Variants in FRMPD4 observed in about 807,000 individuals in gnomAD.
The protein encoded by FRMPD4 is FERM and PDZ domain containing 4.
A neutral mutation model predicts 94.1 loss-of-function variants in FRMPD4; 22 were observed. The ratio of observed to expected loss-of-function variants is 0.23; its 90% CI spans 0.17 to 0.33. FRMPD4 has a LOEUF of 0.33. FRMPD4 is among the 10% of genes least tolerant of loss of function. The pLI, the probability that FRMPD4 is intolerant of heterozygous loss-of-function variation, is 1.00. For missense variants in FRMPD4, 1,111 were observed against 1,339.9 expected, an observed-to-expected ratio of 0.83 and a Z score of 2.67; for synonymous variants, 631 against 548.6, an observed-to-expected ratio of 1.15 and a Z score of -2.10.
chrX:11,899,766 C>T (rs1447275995), intron 3 of FRMPD4, among the ~76,000 whole-genome samples: 2 of 112,061 alleles, frequency 1.8e-5, no homozygotes, highest in Admixed American at 1.9e-4. Flanking sequence ...ATACTTTCTT[C>T]AATCATTTTC....
intron 2 of FRMPD4, among the ~76,000 whole-genome samples, chrX:12,594,531 G>T (rs2059012076): frequency 3.6e-5 from 4 of 110,571 alleles, no homozygotes; most frequent in Admixed American, 2.9e-4. Flanking sequence ...CGCCTCCCGG[G>T]TTCACACCGT....
At chrX:12,636,338 G>A (rs1032155463) in intron 4 of FRMPD4, among the ~76,000 whole-genome samples, 11 of 111,116 alleles carry the variant, frequency 9.9e-5, no homozygotes, top group African/African-American at 3.3e-4. Flanking sequence ...TCCACAGCCT[G>A]GATTTTGCTG....
intron 3 of FRMPD4, among the ~76,000 whole-genome samples, chrX:11,909,377 T>C (rs2147335363): frequency 8.9e-6 from 1 of 112,208 alleles, no homozygotes; most frequent in East Asian, 2.8e-4. Context: ...GTTTAATGTT[T>C]GTAGGATGTA....
chrX:12,444,587 T>G (rs2057174481), intron 1 of FRMPD4, among the ~76,000 whole-genome samples: 1 of 112,064 alleles, frequency 8.9e-6, no homozygotes, highest in African/African-American at 3.2e-5. Flanking sequence ...AATACCAGAA[T>G]TGCCTAGAAT....
chrX:11,908,752 T>C (rs2053981527), intron 3 of FRMPD4, among the ~76,000 whole-genome samples: 1 of 112,129 alleles, frequency 8.9e-6, no homozygotes, highest in East Asian at 2.8e-4. Context: ...CAATTTGTTG[T>C]CAGCCTTTCA....
intron 3 of FRMPD4, among the ~76,000 whole-genome samples, chrX:12,043,430 CT>C (rs1408335478): frequency 1.8e-5 from 2 of 111,157 alleles, no homozygotes; most frequent in Non-Finnish European, 3.8e-5. Flanking sequence ...TGAAAAAAAA[CT>C]ATCTCAGGTG....
chrX:11,983,587 G>C (rs2054408898), intron 3 of FRMPD4, among the ~76,000 whole-genome samples: 1 of 111,314 alleles, frequency 9.0e-6, no homozygotes, highest in Non-Finnish European at 1.9e-5. Context: ...TCATCAGAAG[G>C]ATTGTTCAAT....
chrX:12,335,695 T>G (rs2055508591), intron 1 of FRMPD4, among the ~76,000 whole-genome samples: 1 of 111,557 alleles, frequency 9.0e-6, no homozygotes, highest in African/African-American at 3.3e-5. Flanking sequence ...ACTAGTTACC[T>G]GCTCCTGCAG....
intron 4 of FRMPD4, among the ~76,000 whole-genome samples, chrX:12,663,015 T>G (rs1252426568): frequency 1.8e-5 from 2 of 112,707 alleles, no homozygotes; most frequent in African/African-American, 6.5e-5. Flanking sequence ...GAGAAGTTTC[T>G]GTTCATATCC....
chrX:11,898,049 C>T (rs2053913843), intron 3 of FRMPD4, among the ~76,000 whole-genome samples: 1 of 111,228 alleles, frequency 9.0e-6, no homozygotes, highest in African/African-American at 3.3e-5. Context: ...AAAGAACAAC[C>T]AGTGAGAAGG....
At chrX:12,550,705 A>G (rs917250414) in intron 2 of FRMPD4, among the ~76,000 whole-genome samples, 2 of 110,909 alleles carry the variant, frequency 1.8e-5, no homozygotes, top group African/African-American at 6.5e-5. Context: ...CTTGGGTACA[A>G]AAGATTGATT....
chrX:12,253,119 A>G (rs1331838942), intron 1 of FRMPD4, among the ~76,000 whole-genome samples: 2 of 112,113 alleles, frequency 1.8e-5, no homozygotes, highest in Non-Finnish European at 3.8e-5. Flanking sequence ...GCAGAAGTGC[A>G]GAAATGTTTT....
chrX:12,714,199 A>C (rs7890017), intron 14 of FRMPD4, among the ~76,000 whole-genome samples: 1 of 111,924 alleles, frequency 8.9e-6, no homozygotes, highest in Non-Finnish European at 1.9e-5. Flanking sequence ...TTTAAACAAC[A>C]TAAGTTTATC....
chrX:12,018,412 T>C (rs1012962051), intron 3 of FRMPD4, among the ~76,000 whole-genome samples: 1 of 109,553 alleles, frequency 9.1e-6, no homozygotes, highest in African/African-American at 3.3e-5. Context: ...TTTTTTTTTG[T>C]TTTTTTGTTT....
intron 2 of FRMPD4, among the ~76,000 whole-genome samples, chrX:12,509,051 G>A (rs2058016635): frequency 9.6e-6 from 1 of 104,181 alleles, no homozygotes; most frequent in African/African-American, 3.5e-5. Flanking sequence ...CCTTACTCCT[G>A]CAAGAATGGC....
At chrX:12,091,451 A>C (rs1293292463) in intron 3 of FRMPD4, among the ~76,000 whole-genome samples, 1 of 112,508 alleles carries the variant, frequency 8.9e-6, no homozygotes, top group Non-Finnish European at 1.9e-5. Context: ...GAGCATGTCT[A>C]TGTTTTGATA....
chrX:12,122,557 C>T (rs2055464132), intron 3 of FRMPD4, among the ~76,000 whole-genome samples: 1 of 110,759 alleles, frequency 9.0e-6, no homozygotes, highest in Non-Finnish European at 1.9e-5. Context: ...ATGTAGTTCA[C>T]CTGCCCAAAA....
At chrX:12,648,967 A>G (rs766805657) in intron 4 of FRMPD4, among the ~76,000 whole-genome samples, 1 of 112,320 alleles carries the variant, frequency 8.9e-6, no homozygotes, top group South Asian at 3.7e-4. Flanking sequence ...ATGGAAGCAG[A>G]CAGAGCTCTG....
intron 16 of FRMPD4, among the ~76,000 whole-genome samples, chrX:12,719,526 T>G (rs1402108473): frequency 8.9e-6 from 1 of 112,515 alleles, no homozygotes; most frequent in Non-Finnish European, 1.9e-5. Context: ...CTTTCATACT[T>G]TTATGTTTCA....
Sources: gnomAD v4.1 joint callset for allele counts (sites outside exome capture counted in the v4.1 genomes callset) on GRCh38, gnomAD v4.1.1 for gene constraint, MANE v1.5 for transcripts, NCBI Gene and HGNC (gene_info 2026-07-23, HGNC 2026-07-21) for gene names.